The following RBFOX1 variants were observed in gnomAD, a reference collection of about 807,000 sequenced individuals.
RBFOX1 encodes the protein RNA binding protein fox-1 homolog 1.
RBFOX1 carries 8 observed loss-of-function variants against 57.7 expected under a neutral mutation model. The ratio of observed to expected loss-of-function variants is 0.14; its 90% confidence interval spans 0.08 to 0.25. RBFOX1 has a LOEUF of 0.25. RBFOX1 is among the 10% of genes least tolerant of loss of function. RBFOX1 has a pLI of 1.00. For synonymous variants in RBFOX1, 326 were observed against 222.4 expected (o/e 1.47, Z -4.15); for missense variants, 611 against 548.5 (o/e 1.11, Z -1.14).
rs1284389505 is a variant in RBFOX1 at position 6,654,658 on chromosome 16, A to G, written c.-16+8A>G. ...GAAATAGAAGACAGAAAGGTGAGTC[A>G]ATATTTTTCATTTTTAGGGTTGCAA... On this transcript the variant is annotated splice_region_variant and intron_variant, in intron 3 of 15. Transcript: ENST00000550418. The G allele has an allele frequency of 6.6e-7, 1 of 1,507,004 alleles. No homozygotes were observed. Among genetic ancestry groups the G allele is most frequent in the Non-Finnish European group, 8.8e-7 (1 of 1,136,304 alleles). 93.4% of individuals were successfully genotyped at this position (1,507,004 alleles called of 1,614,324 possible). A position where few individuals can be genotyped will look rare whatever the true frequency, so the allele number is the denominator to read the frequency against.
intron 1 of RBFOX1, among the ~76,000 whole-genome samples, chr16:6,202,126 G>C (rs897522558): frequency 5.9e-5 from 9 of 152,192 alleles, no homozygotes; most frequent in Non-Finnish European, 2.9e-5. Flanking sequence ...AGCTATGTCA[G>C]ATCATTAACC....
At chr16:5,905,517 G>C (rs1265557884) in intron 4 of RBFOX1, among the ~76,000 whole-genome samples, 1 of 152,042 alleles carries the variant, frequency 6.6e-6, no homozygotes. Context: ...TTTTTGACCA[G>C]CTTGGAAAAC....
chr16:7,555,510 T>TA (rs1216030296), intron 5 of RBFOX1, among the ~76,000 whole-genome samples: 3 of 152,232 alleles, frequency 2.0e-5, no homozygotes, highest in Non-Finnish European at 4.4e-5. Context: ...TTTGTAAATC[T>TA]AAAGTTATTC....
At chr16:6,567,393 G>T (rs765268482) in intron 2 of RBFOX1, among the ~76,000 whole-genome samples, 1 of 152,162 alleles carries the variant, frequency 6.6e-6, no homozygotes, top group South Asian at 2.1e-4. Context: ...GGTTCGTTTG[G>T]TCTTTCTGTC....
At chr16:5,472,564 G>T (rs143858719) in intron 2 of RBFOX1, among the ~76,000 whole-genome samples, 2 of 152,072 alleles carry the variant, frequency 1.3e-5, no homozygotes, top group African/African-American at 4.8e-5. Context: ...GTGCATGCTG[G>T]AATGAAATCT....
intron 4 of RBFOX1, among the ~76,000 whole-genome samples, chr16:5,903,151 T>A (rs2058350070): frequency 6.6e-6 from 1 of 152,114 alleles, no homozygotes; most frequent in Non-Finnish European, 1.5e-5. Context: ...TGTATGCATG[T>A]CTGTATGGGA....
At chr16:7,204,831 C>G (rs954517136) in intron 4 of RBFOX1, among the ~76,000 whole-genome samples, 3 of 152,188 alleles carry the variant, frequency 2.0e-5, no homozygotes, top group African/African-American at 2.4e-5. Flanking sequence ...ATTTTCCCCT[C>G]CGCACAGTTT....
intron 15 of RBFOX1, chr16:7,709,649 C>T (rs2083604891): frequency 2.0e-6 from 3 of 1,526,036 alleles, no homozygotes; most frequent in South Asian, 1.2e-5. Context: ...TAGAGAGGGG[C>T]ACACTTTGTG....
chr16:7,082,692 T>G (rs1201396740), intron 4 of RBFOX1, among the ~76,000 whole-genome samples: 1 of 152,246 alleles, frequency 6.6e-6, no homozygotes, highest in Admixed American at 6.5e-5. Flanking sequence ...AGACTTTCTT[T>G]CATAAAGTTT....
At chr16:6,901,984 G>C (rs2068613095) in intron 3 of RBFOX1, among the ~76,000 whole-genome samples, 1 of 152,028 alleles carries the variant, frequency 6.6e-6, no homozygotes, top group South Asian at 2.1e-4. Context: ...ACAGACATCT[G>C]TTTATCAGAA....
At chr16:7,593,711 C>T (rs1276751933) in intron 7 of RBFOX1, among the ~76,000 whole-genome samples, 3 of 151,892 alleles carry the variant, frequency 2.0e-5, no homozygotes, top group South Asian at 4.2e-4. Flanking sequence ...GGATGTGTGG[C>T]CTGTATATAT....
intron 3 of RBFOX1, among the ~76,000 whole-genome samples, chr16:6,994,465 C>T (rs1400876750): frequency 6.6e-6 from 1 of 152,154 alleles, no homozygotes; most frequent in Admixed American, 6.5e-5. Flanking sequence ...TAATGCCATG[C>T]TAAGAACTGT....
At chr16:5,834,016 T>G (rs1478318683) in intron 3 of RBFOX1, among the ~76,000 whole-genome samples, 2 of 152,138 alleles carry the variant, frequency 1.3e-5, no homozygotes, top group Admixed American at 1.3e-4. Flanking sequence ...CAGATACAGA[T>G]TTTTATCCTC....
rs1038871360 is a variant in RBFOX1 at position 5,529,423 on chromosome 16, G to A, written c.258+62169G>A. ...TTTTTTTTTTTTAATTTGAGACAGG[G>A]TCTCCCTTTGTTGCTCAGGCTGGAG... On this transcript the variant is annotated intron_variant, in intron 2 of 2. Transcript: ENST00000585867. Among the ~76,000 whole-genome samples the A allele has an allele frequency of 3.4e-5, 5 of 147,718 alleles. No individual in the cohort carries two copies. In the East Asian group the frequency reaches 8.1e-4, roughly 24 times the overall value.
At chr16:5,404,592 C>T (rs976942648) in intron 1 of RBFOX1, among the ~76,000 whole-genome samples, 2 of 152,230 alleles carry the variant, frequency 1.3e-5, no homozygotes, top group Non-Finnish European at 2.9e-5. Flanking sequence ...CCATTGGCTC[C>T]TTTCTTCACC....
intron 2 of RBFOX1, among the ~76,000 whole-genome samples, chr16:6,531,734 T>G (rs192340984): frequency 3.1e-4 from 47 of 152,238 alleles, no homozygotes; most frequent in African/African-American, 9.1e-4. Context: ...TGGAGATTTA[T>G]AACATCAAAA....
At chr16:5,250,470 T>A (rs1443752691) in intron 1 of RBFOX1, among the ~76,000 whole-genome samples, 1 of 152,186 alleles carries the variant, frequency 6.6e-6, no homozygotes, top group Non-Finnish European at 1.5e-5. Context: ...CCCCTCTCTG[T>A]GTCCATGTGT....
rs2059099339 is a variant in RBFOX1, at chr16:6,861,939, A to G, written c.-15-190118A>G. Among the ~76,000 whole-genome samples the G allele has an allele frequency of 1.3e-5, 2 of 150,774 alleles. 1 individual carries two copies. Among genetic ancestry groups the G allele is most frequent in the South Asian group, 4.2e-4 (2 of 4,738 alleles). ...CTCTGGCACTGGCAGGGGGTCTGCA[A>G]ACAGAACTGGTTTGGAATATGCAAT... On this transcript the variant is annotated intron_variant, in intron 3 of 15. Transcript: ENST00000550418.
At chr16:6,442,974 A>T (rs762415698) in intron 2 of RBFOX1, among the ~76,000 whole-genome samples, 1 of 152,216 alleles carries the variant, frequency 6.6e-6, no homozygotes, top group Non-Finnish European at 1.5e-5. Context: ...ACCCTGAGAC[A>T]TTCTGATGTG....
Sources: allele counts gnomAD v4.1 joint callset (sites outside exome capture counted in the v4.1 genomes callset), GRCh38; gene constraint gnomAD v4.1.1; transcripts MANE v1.5; gene names NCBI Gene and HGNC (gene_info 2026-07-23, HGNC 2026-07-21).